SGCZ: variants seen among roughly 807,000 people sequenced by gnomAD.
SGCZ encodes sarcoglycan zeta.
Under a neutral mutation model 41.3 loss-of-function variants are expected in SGCZ, and 40 were observed. That is an observed-to-expected ratio of 0.97 (90% CI 0.75 to 1.26). The LOEUF (loss-of-function observed/expected upper bound fraction) is 1.26, where lower values mean the gene tolerates loss of function less well. Among genes scored for constraint, SGCZ ranks in the 50% most tolerant of loss-of-function variants. SGCZ has a pLI of 0.00. For synonymous variants in SGCZ, 206 were observed against 137.5 expected (o/e 1.50, Z -3.49); for missense variants, 552 against 369.8 (o/e 1.49, Z -4.04).
chr8:15,232,206 A>T (rs1801965148), intron 1 of SGCZ, among the ~76,000 whole-genome samples: 1 of 152,230 alleles, frequency 6.6e-6, no homozygotes, highest in Admixed American at 6.5e-5. Flanking sequence ...CAGCATAAGA[A>T]ACAGCGCACT....
chr8:14,168,610 TC>T (rs895112175), intron 4 of SGCZ, among the ~76,000 whole-genome samples: 1 of 152,128 alleles, frequency 6.6e-6, no homozygotes, highest in Non-Finnish European at 1.5e-5. Context: ...CTGTGAGGCC[TC>T]CCCAGCCACG....
intron 1 of SGCZ, among the ~76,000 whole-genome samples, chr8:14,993,729 C>A (rs751012464): frequency 5.3e-5 from 8 of 152,146 alleles, no homozygotes; most frequent in Non-Finnish European, 1.0e-4. Flanking sequence ...GTCAACCAGA[C>A]CAGTGTACCT....
In SGCZ at chr8:14,851,395, A is replaced by G. The variant is rs1236855122; in HGVS notation, c.40-296469T>C. Among the ~76,000 whole-genome samples, 4 of 150,680 alleles carry G rather than the reference A, an allele frequency of 2.7e-5. No homozygotes were observed. In the East Asian group the frequency reaches 7.7e-4, roughly 29 times the overall value. On this transcript the variant is annotated intron_variant, in intron 1 of 7. Coordinates refer to ENST00000382080, the MANE Select transcript of SGCZ (RefSeq NM_139167.4). ...AAAAAAAAAAAAAAAAAAAAAGAAA[A>G]AAAGAAAAAAGAAAAAAGTATTCAA...
chr8:14,394,829 C>T (rs529506151), intron 2 of SGCZ, among the ~76,000 whole-genome samples: 9 of 152,208 alleles, frequency 5.9e-5, no homozygotes, highest in African/African-American at 2.2e-4. Context: ...TCTAAGTTGC[C>T]TGTTGGAAAA....
intron 2 of SGCZ, among the ~76,000 whole-genome samples, chr8:14,447,213 T>C (rs965447440): frequency 1.1e-4 from 17 of 152,190 alleles, no homozygotes; most frequent in African/African-American, 4.1e-4. Context: ...GATATTCTGT[T>C]TATTGCAGTT....
At chr8:14,967,539 GACATCA>G (rs372533248) in intron 1 of SGCZ, among the ~76,000 whole-genome samples, 5 of 152,042 alleles carry the variant, frequency 3.3e-5, no homozygotes, top group African/African-American at 1.2e-4. Context: ...CTGCTTATTT[GACATCA>G]AGTTTTCTAT....
chr8:14,388,425 G>A (rs1585438741), intron 2 of SGCZ, among the ~76,000 whole-genome samples: 1 of 152,058 alleles, frequency 6.6e-6, no homozygotes. Flanking sequence ...AGACAGATTA[G>A]GAGAATATTT....
intron 2 of SGCZ, among the ~76,000 whole-genome samples, chr8:14,523,135 C>T (rs185457814): frequency 3.3e-5 from 5 of 151,958 alleles, no homozygotes; most frequent in Non-Finnish European, 5.9e-5. Flanking sequence ...ATATCTCTCC[C>T]GCTTACATTT....
chr8:14,984,236 G>A (rs969148591), intron 1 of SGCZ, among the ~76,000 whole-genome samples: 3 of 152,052 alleles, frequency 2.0e-5, no homozygotes, highest in Non-Finnish European at 4.4e-5. Flanking sequence ...ATTCCAGACA[G>A]CAAAACATTT....
chr8:14,910,921 T>C (rs1027982497), intron 1 of SGCZ, among the ~76,000 whole-genome samples: 4 of 152,132 alleles, frequency 2.6e-5, no homozygotes, highest in Admixed American at 6.5e-5. Flanking sequence ...TTAAAGTAGA[T>C]ATACTAACAA....
chr8:15,070,579 A>G (rs530258243), intron 1 of SGCZ, among the ~76,000 whole-genome samples: 189 of 152,284 alleles, frequency 1.2e-3, no homozygotes, highest in African/African-American at 4.4e-3. Context: ...CATAGGGCCC[A>G]TGGGCCTTCC....
In SGCZ at chr8:14,814,440, C is replaced by T. The variant is rs534099833; in HGVS notation, c.40-259514G>A. On this transcript the variant is annotated intron_variant, in intron 1 of 7. Transcript: ENST00000382080. ...AACTAGGAAGGCAGGGCCAATAGCA[C>T]TTTCCAGTATAAAGTAAGGGAAACA... 3.9e-5 allele frequency among the ~76,000 whole-genome samples: 6 copies of T among 152,208 alleles called. 1 individual carries two copies. In the South Asian group the frequency reaches 1.2e-3, roughly 32 times the overall value.
At chr8:15,036,594 A>C (rs1191728024) in intron 1 of SGCZ, among the ~76,000 whole-genome samples, 1 of 152,168 alleles carries the variant, frequency 6.6e-6, no homozygotes, top group Non-Finnish European at 1.5e-5. Context: ...AAATAAAATA[A>C]AATGTCTCTC....
intron 2 of SGCZ, among the ~76,000 whole-genome samples, chr8:14,488,130 C>T (rs964570397): frequency 6.1e-5 from 8 of 130,426 alleles, no homozygotes; most frequent in South Asian, 2.4e-4. Flanking sequence ...GAGTTCTGAA[C>T]GCTGGATTCC....
chr8:14,584,610 A>G (rs1010650800), intron 1 of SGCZ, among the ~76,000 whole-genome samples: 8 of 152,112 alleles, frequency 5.3e-5, no homozygotes, highest in Non-Finnish European at 1.2e-4. Context: ...TTGAGCAAAG[A>G]TGTCAAAAGT....
chr8:14,216,272 C>T (rs1805990264), intron 4 of SGCZ, among the ~76,000 whole-genome samples: 1 of 152,086 alleles, frequency 6.6e-6, no homozygotes, highest in African/African-American at 2.4e-5. Context: ...ATTTGCAAAC[C>T]CCTGGACTTC....
chr8:14,669,436 A>C (rs1808030212), intron 1 of SGCZ, among the ~76,000 whole-genome samples: 1 of 151,964 alleles, frequency 6.6e-6, no homozygotes, highest in Non-Finnish European at 1.5e-5. Context: ...ACTAATCTTG[A>C]ATAACTAAAA....
At chr8:14,353,983 T>C (rs1280211918) in intron 2 of SGCZ, among the ~76,000 whole-genome samples, 1 of 152,076 alleles carries the variant, frequency 6.6e-6, no homozygotes, top group Non-Finnish European at 1.5e-5. Context: ...TTCTCATAAG[T>C]AGACCCTGAA....
chr8:15,011,884 A>G (rs1031644695), intron 1 of SGCZ, among the ~76,000 whole-genome samples: 4 of 152,188 alleles, frequency 2.6e-5, no homozygotes, highest in Non-Finnish European at 5.9e-5. Context: ...TTTGTACTAT[A>G]AGTTTATTCT....
Sources: gnomAD v4.1 joint callset for allele counts (sites outside exome capture counted in the v4.1 genomes callset) on GRCh38, gnomAD v4.1.1 for gene constraint, MANE v1.5 for transcripts, NCBI Gene and HGNC (gene_info 2026-07-23, HGNC 2026-07-21) for gene names.